RLIG1: variants seen among roughly 807,000 people sequenced by gnomAD.
The protein encoded by RLIG1 is RNA 5'-phosphate and 3'-OH ligase 1, also known as RNA ligase 1.
chr12:88,041,985 C>G, the RLIG1 span: 1 of 152,086 alleles, frequency 6.6e-6, no homozygotes, highest in African/African-American at 2.4e-5. Flanking sequence ...TTTATTACTA[C>G]TAAAGAATTA....
At chr12:88,040,325 G>A in the RLIG1 span, 5 of 1,023,784 alleles carry the variant, frequency 4.9e-6, no homozygotes, top group African/African-American at 3.3e-5. Context: ...TCACTTTACA[G>A]TCTATCTGAA....
chr12:88,043,600 AT>A, the RLIG1 span: 4 of 1,592,722 alleles, frequency 2.5e-6, no homozygotes, highest in South Asian at 2.3e-5. Context: ...ATTTTTTAGA[AT>A]TTTTTTGGAA....
the RLIG1 span, chr12:88,042,946 T>C: frequency 7.2e-7 from 1 of 1,389,188 alleles, no homozygotes; most frequent in Non-Finnish European, 9.8e-7. Context: ...ACTTTTCATG[T>C]TTAAATAGCT....
the RLIG1 span, chr12:88,042,751 A>G: frequency 3.1e-6 from 3 of 967,640 alleles, no homozygotes; most frequent in South Asian, 7.5e-5. Context: ...TTTGTTGACA[A>G]ACTGTATTCT....
At chr12:88,043,735 A>G in the RLIG1 span, 4 of 1,538,218 alleles carry the variant, frequency 2.6e-6, no homozygotes, top group Middle Eastern at 5.1e-4. Context: ...TATCTCTTCT[A>G]GTGCAGTTTT....
chr12:88,039,411 A>C, the RLIG1 span, among the ~76,000 whole-genome samples: 25 of 152,204 alleles, frequency 1.6e-4, no homozygotes, highest in African/African-American at 5.8e-4. Flanking sequence ...ACTGAAAATT[A>C]CAATTGAAAG....
chr12:88,037,583 C>T, the RLIG1 span, among the ~76,000 whole-genome samples: 1 of 152,144 alleles, frequency 6.6e-6, no homozygotes, highest in Non-Finnish European at 1.5e-5. Flanking sequence ...GGCTCTACCA[C>T]CCTGGGTTAA....
the RLIG1 span, chr12:88,042,155 T>C: frequency 6.6e-6 from 1 of 152,182 alleles, no homozygotes; most frequent in South Asian, 2.1e-4. Context: ...GAACCACTTA[T>C]GTGTGCAGGC....
the RLIG1 span, chr12:88,046,843 T>A: frequency 6.2e-7 from 1 of 1,612,720 alleles, no homozygotes; most frequent in South Asian, 1.1e-5. Context: ...CATCTTCTTA[T>A]ACCACATGGA....
the RLIG1 span, chr12:88,045,866 C>T: frequency 9.9e-7 from 1 of 1,012,476 alleles, no homozygotes; most frequent in East Asian, 2.4e-5. Flanking sequence ...CATACACACA[C>T]TAAAGAAATG....
the RLIG1 span, chr12:88,049,611 G>A: frequency 2.2e-6 from 1 of 447,612 alleles, no homozygotes; most frequent in Non-Finnish European, 4.0e-6. Flanking sequence ...GTCAAGTCCA[G>A]TTATGTATTC....
the RLIG1 span, chr12:88,035,584 T>G: frequency 6.6e-7 from 1 of 1,518,598 alleles, no homozygotes; most frequent in Non-Finnish European, 9.0e-7. Context: ...TCAGGGCTTC[T>G]CCGCGACTGG....
the RLIG1 span, chr12:88,045,443 A>T: frequency 1.5e-6 from 1 of 647,904 alleles, no homozygotes; most frequent in Non-Finnish European, 2.7e-6. Context: ...TAACTTTCCC[A>T]CTGAATTTTA....
the RLIG1 span, chr12:88,049,123 A>C: frequency 1.0e-6 from 1 of 975,298 alleles, no homozygotes; most frequent in Non-Finnish European, 1.5e-6. Context: ...GCTTATTTCC[A>C]AGTATATTTA....
At chr12:88,049,453 A>G in the RLIG1 span, 5 of 1,030,052 alleles carry the variant, frequency 4.9e-6, no homozygotes, top group Middle Eastern at 6.1e-4. Context: ...CATATAGGAA[A>G]TATACATATT....
the RLIG1 span, chr12:88,035,594 G>A: frequency 6.5e-7 from 1 of 1,541,862 alleles, no homozygotes; most frequent in African/African-American, 1.4e-5. Context: ...TCCGCGACTG[G>A]ACCGGGCGCC....
At chr12:88,049,140 A>G in the RLIG1 span, 1 of 1,149,152 alleles carries the variant, frequency 8.7e-7, no homozygotes, top group African/African-American at 1.6e-5. Flanking sequence ...TTTAACTTAT[A>G]AAGTTAATAA....
chr12:88,039,286 T>G, the RLIG1 span, among the ~76,000 whole-genome samples: 10 of 152,278 alleles, frequency 6.6e-5, no homozygotes, highest in African/African-American at 2.2e-4. Flanking sequence ...TTGCTAAGAC[T>G]CCTTATGAAC....
the RLIG1 span, chr12:88,048,420 T>TA: frequency 7.3e-7 from 1 of 1,363,990 alleles, no homozygotes; most frequent in Non-Finnish European, 1.0e-6. Context: ...ATTTGATGTA[T>TA]AAAATGCAAA....
Sources: gnomAD v4.1 joint callset for allele counts (sites outside exome capture counted in the v4.1 genomes callset) on GRCh38, gnomAD v4.1.1 for gene constraint, MANE v1.5 for transcripts, NCBI Gene and HGNC (gene_info 2026-07-23, HGNC 2026-07-21) for gene names.